The following FNDC3B variants were observed in gnomAD, a reference collection of about 807,000 sequenced individuals.
FNDC3B encodes fibronectin type III domain-containing protein 3B.
In FNDC3B, 12 loss-of-function variants were observed where a neutral mutation model predicts 151.5. The observed-to-expected ratio is 0.08, with a 90% CI of 0.05 to 0.13. The LOEUF (loss-of-function observed/expected upper bound fraction) is 0.13. Ranked by LOEUF, FNDC3B falls within the 10% of genes least tolerant of loss-of-function variation. FNDC3B has a pLI of 1.00. For synonymous variants in FNDC3B, 528 were observed against 549.0 expected, an observed-to-expected ratio of 0.96 and a Z score of 0.54; for missense variants, 1,214 against 1,505.3, an observed-to-expected ratio of 0.81 and a Z score of 3.20.
At chr3:172,266,839 C>G (rs1728946339) in intron 6 of FNDC3B, among the ~76,000 whole-genome samples, 1 of 152,152 alleles carries the variant, frequency 6.6e-6, no homozygotes, top group Non-Finnish European at 1.5e-5. Context: ...AATCCTTAAC[C>G]TAATCATATC....
intron 9 of FNDC3B, chr3:172,307,018 G>A (rs1172579083): frequency 1.1e-5 from 2 of 184,020 alleles, no homozygotes; most frequent in South Asian, 1.3e-4. Flanking sequence ...TCCAGATAAA[G>A]TCAACCAGAG....
intron 3 of FNDC3B, among the ~76,000 whole-genome samples, chr3:172,149,568 G>T (rs1408276176): frequency 6.6e-6 from 1 of 151,868 alleles, no homozygotes. Flanking sequence ...TACTTAAATA[G>T]GTTCAAGTGT....
chr3:172,268,634 TC>T lies in FNDC3B; in HGVS notation c.790+17094del, dbSNP rs1463864427. Among the ~76,000 whole-genome samples the T allele has an allele frequency of 2.6e-5, 4 of 152,202 alleles. No homozygotes were observed. The South Asian group carries it at 6.2e-4, about 24-fold the overall frequency. On this transcript the variant is annotated intron_variant, in intron 6 of 25. Transcript: ENST00000415807. The stretch of plus-strand genomic sequence containing the variant: ...GTAGCCAGGCTCAAGTTAAGGTAGT[TC>T]AGTTGTATAATCAACTTTCGTGGTA...
At chr3:172,222,693 C>T (rs1422836791) in intron 3 of FNDC3B, among the ~76,000 whole-genome samples, 3 of 152,128 alleles carry the variant, frequency 2.0e-5, no homozygotes, top group Non-Finnish European at 4.4e-5. Context: ...ATGCCGCTGC[C>T]GATCTGACAG....
chr3:172,154,455 C>T (rs1245603220), intron 3 of FNDC3B, among the ~76,000 whole-genome samples: 2 of 152,186 alleles, frequency 1.3e-5, no homozygotes, highest in African/African-American at 4.8e-5. Context: ...ATCCGCCGTC[C>T]TCCGCCTCCC....
intron 3 of FNDC3B, among the ~76,000 whole-genome samples, chr3:172,181,542 A>G (rs1723904642): frequency 6.6e-6 from 1 of 150,944 alleles, no homozygotes; most frequent in Non-Finnish European, 1.5e-5. Flanking sequence ...TAAGATTTTC[A>G]GTGGGAAGCC....
chr3:172,136,440 T>C (rs1721369554), intron 3 of FNDC3B, among the ~76,000 whole-genome samples: 1 of 152,144 alleles, frequency 6.6e-6, no homozygotes, highest in Non-Finnish European at 1.5e-5. Flanking sequence ...AGTTCAGATT[T>C]GGGGTGGCTC....
intron 9 of FNDC3B, among the ~76,000 whole-genome samples, chr3:172,300,477 A>T (rs574987552): frequency 6.6e-6 from 1 of 151,972 alleles, no homozygotes; most frequent in Admixed American, 6.6e-5. Flanking sequence ...TTTTTTTTAA[A>T]CCCTTATTAC....
chr3:172,375,048 G>C (rs1323955600), intron 23 of FNDC3B, among the ~76,000 whole-genome samples: 4 of 152,052 alleles, frequency 2.6e-5, no homozygotes, highest in Admixed American at 2.6e-4. Flanking sequence ...TTCATGTCAT[G>C]GTTTCATTCT....
intron 25 of FNDC3B, among the ~76,000 whole-genome samples, chr3:172,383,076 C>T (rs940462373): frequency 2.6e-5 from 4 of 152,138 alleles, no homozygotes; most frequent in East Asian, 1.9e-4. Flanking sequence ...GCCATTTTCA[C>T]GATATTGATT....
chr3:172,365,043 G>A (rs1734545805), intron 23 of FNDC3B, among the ~76,000 whole-genome samples: 2 of 152,216 alleles, frequency 1.3e-5, no homozygotes. Flanking sequence ...ACCTTCCTCA[G>A]TGTCTTGAAA....
intron 3 of FNDC3B, 40 bp downstream of exon 3, chr3:172,133,586 T>G (rs780104558): frequency 7.0e-7 from 1 of 1,427,872 alleles, no homozygotes; most frequent in Non-Finnish European, 9.9e-7. Context: ...CAAAGATTTT[T>G]TTCTTTATTT....
At position 172,398,286 on chromosome 3, in the gene FNDC3B, TTCTAA is replaced by T. The variant is rs1210850638; in HGVS notation, c.*819_*823del. 9.2e-5 allele frequency: 14 copies of T among 152,680 alleles called. No homozygotes were observed. The highest frequency in any genetic ancestry group is 3.4e-4 in the African/African-American group (14 of 41,466). 9.5% of individuals were successfully genotyped at this position (152,680 alleles called of 1,614,324 possible). The stretch of plus-strand genomic sequence containing the variant: ...TTTGTTTGTCTTTGTATATAACTAC[TTCTAA>T]TCTAATCACTAGAGTTATTATATTC... On this transcript the variant is annotated 3_prime_UTR_variant, in exon 26 of 26. Transcript: ENST00000415807.
rs112342266 is a variant in FNDC3B, at chr3:172,341,241, G to A, written c.1971+10G>A. ...CGGCGGACACAGCCAGGTTGGTTTTGTTTCCATATGAAAGTAAACCTCATT... is the reference window on the plus strand; with the variant it reads ...CGGCGGACACAGCCAGGTTGGTTTTATTTCCATATGAAAGTAAACCTCATT... On this transcript the variant is annotated intron_variant, in intron 17 of 25. Transcript: ENST00000415807. 5,703 of 1,587,446 alleles carry A rather than the reference G, an allele frequency of 3.6e-3. 42 individuals carry two copies. Among genetic ancestry groups the A allele is most frequent in the African/African-American group, 0.03 (2,234 of 74,520 alleles).
intron 12 of FNDC3B, chr3:172,329,438 A>G (rs1732523298): frequency 5.6e-6 from 1 of 178,280 alleles, no homozygotes; most frequent in Non-Finnish European, 1.2e-5. Flanking sequence ...TTTTTCAATT[A>G]TGTGAGTGTT....
At chr3:172,372,251 G>T (rs539556525) in intron 23 of FNDC3B, among the ~76,000 whole-genome samples, 10 of 152,174 alleles carry the variant, frequency 6.6e-5, no homozygotes, top group Non-Finnish European at 1.3e-4. Context: ...CCTCACAGGA[G>T]CCTGGGTCAT....
chr3:172,150,320 G>T (rs6781370), intron 3 of FNDC3B, among the ~76,000 whole-genome samples: 59,934 of 151,914 alleles, frequency 0.39, 13,576 homozygotes, highest in Non-Finnish European at 0.52. Context: ...TAACTTTTAT[G>T]TCTAATATTT....
chr3:172,347,426 AC>A, intron 21 of FNDC3B, 65 bp downstream of exon 21: 2 of 1,362,970 alleles, frequency 1.5e-6, no homozygotes, highest in Admixed American at 2.1e-5. Context: ...ACTTTGGGAA[AC>A]CCACTCAAAG....
intron 11 of FNDC3B, among the ~76,000 whole-genome samples, chr3:172,327,357 A>C (rs564256611): frequency 1.3e-5 from 2 of 152,146 alleles, no homozygotes; most frequent in South Asian, 4.1e-4. Flanking sequence ...GTGGGTGGGG[A>C]AGGGGTTCCT....
Sources: allele counts gnomAD v4.1 joint callset (sites outside exome capture counted in the v4.1 genomes callset), GRCh38; gene constraint gnomAD v4.1.1; transcripts MANE v1.5; gene names NCBI Gene and HGNC (gene_info 2026-07-23, HGNC 2026-07-21).